Variants in DPYD observed in about 807,000 individuals in gnomAD.
DPYD encodes dihydropyrimidine dehydrogenase [NADP(+)].
DPYD carries 109 observed loss-of-function variants against 116.2 expected under a neutral mutation model. The observed-to-expected ratio is 0.94, with a 90% confidence interval of 0.80 to 1.10. The LOEUF (loss-of-function observed/expected upper bound fraction) is 1.10, where lower values mean the gene tolerates loss of function less well. Ranked by LOEUF, DPYD falls within the 50% of genes least tolerant of loss-of-function variation. The pLI is 0.00. For missense variants in DPYD, 1,302 were observed against 1,254.5 expected (o/e 1.04, Z -0.57); for synonymous variants, 440 against 432.0 (o/e 1.02, Z -0.23).
At chr1:97,599,917 A>T (rs1488156414) in intron 8 of DPYD, among the ~76,000 whole-genome samples, 2 of 144,704 alleles carry the variant, frequency 1.4e-5, no homozygotes, top group Non-Finnish European at 3.0e-5. Flanking sequence ...GTGCTGGCTC[A>T]TGCCTGTAAT....
intron 18 of DPYD, among the ~76,000 whole-genome samples, chr1:97,260,482 T>C (rs1156505019): frequency 6.6e-6 from 1 of 152,006 alleles, no homozygotes; most frequent in African/African-American, 2.4e-5. Flanking sequence ...ATCTGAAGAG[T>C]AACAAATTTA....
At chr1:97,180,326 G>C (rs1657560886) in intron 20 of DPYD, among the ~76,000 whole-genome samples, 1 of 152,018 alleles carries the variant, frequency 6.6e-6, no homozygotes, top group Non-Finnish European at 1.5e-5. Flanking sequence ...CTTTATTCAA[G>C]TGAGCAGATG....
intron 20 of DPYD, among the ~76,000 whole-genome samples, chr1:97,135,507 T>C (rs981033953): frequency 3.3e-5 from 5 of 152,154 alleles, no homozygotes; most frequent in African/African-American, 1.2e-4. Context: ...ACTTCTTGCT[T>C]TCTAAATAAT....
At chr1:97,636,506 G>A (rs1004437835) in intron 8 of DPYD, among the ~76,000 whole-genome samples, 5 of 151,990 alleles carry the variant, frequency 3.3e-5, no homozygotes, top group African/African-American at 9.7e-5. Flanking sequence ...GCAAAATTAA[G>A]TATGATTTAT....
In DPYD at chr1:97,434,690, A is replaced by G. The variant is rs1023859920; in HGVS notation, c.1905+15369T>C. Among the ~76,000 whole-genome samples the G allele has an allele frequency of 7.9e-5, 12 of 152,208 alleles. No individual in the cohort carries two copies. The South Asian group carries it at 1.0e-3, about 13-fold the overall frequency. On this transcript the variant is annotated intron_variant, in intron 14 of 22. Coordinates refer to ENST00000370192, the MANE Select transcript of DPYD (RefSeq NM_000110.4). ...AAAAGGAAAAGTAAATCATTCATAGATAATTCTAAATAATCTGATGTTTGG... is the reference window on the plus strand; with the variant it reads ...AAAAGGAAAAGTAAATCATTCATAGGTAATTCTAAATAATCTGATGTTTGG...
intron 8 of DPYD, among the ~76,000 whole-genome samples, chr1:97,666,803 GT>G (rs1659588676): frequency 6.6e-6 from 1 of 152,064 alleles, no homozygotes; most frequent in African/African-American, 2.4e-5. Flanking sequence ...TGCTACCTAT[GT>G]TGTTGTTCTT....
chr1:97,907,018 C>T (rs1470712521), intron 1 of DPYD, among the ~76,000 whole-genome samples: 1 of 152,038 alleles, frequency 6.6e-6, no homozygotes, highest in Non-Finnish European at 1.5e-5. Context: ...CATCTGAGAA[C>T]TAGCATGGTT....
At chr1:97,281,063 G>C (rs1665292085) in intron 18 of DPYD, among the ~76,000 whole-genome samples, 1 of 152,020 alleles carries the variant, frequency 6.6e-6, no homozygotes, top group Non-Finnish European at 1.5e-5. Flanking sequence ...AAAGCAGAAA[G>C]AGTTGTACAA....
At chr1:97,243,372 C>A (rs1166789997) in intron 18 of DPYD, among the ~76,000 whole-genome samples, 2 of 151,872 alleles carry the variant, frequency 1.3e-5, no homozygotes. Flanking sequence ...TTTTTGCATA[C>A]ATTGTGCTGG....
chr1:97,540,533 C>T lies in DPYD; in HGVS notation c.1524+9027G>A, dbSNP rs185093990. ...CTGTCCCTGTGGAGCTGGGGTGTGCCACCTTCTTGGCACACGGAAGCGTTC... is the reference window on the plus strand; with the variant it reads ...CTGTCCCTGTGGAGCTGGGGTGTGCTACCTTCTTGGCACACGGAAGCGTTC... On this transcript the variant is annotated intron_variant, in intron 12 of 22. Transcript: ENST00000370192. Among the ~76,000 whole-genome samples the T allele has an allele frequency of 6.6e-5, 10 of 152,254 alleles. 1 individual carries two copies. Among genetic ancestry groups the T allele is most frequent in the Admixed American group, 2.6e-4 (4 of 15,300 alleles).
At chr1:97,090,912 A>T (rs975217857) in intron 21 of DPYD, among the ~76,000 whole-genome samples, 5 of 152,188 alleles carry the variant, frequency 3.3e-5, no homozygotes, top group African/African-American at 1.2e-4. Flanking sequence ...TCACACAGCA[A>T]ATACTAAATA....
intron 1 of DPYD, among the ~76,000 whole-genome samples, chr1:97,899,712 TACG>T (rs1673267348): frequency 1.3e-5 from 2 of 151,878 alleles, no homozygotes; most frequent in African/African-American, 4.8e-5. Flanking sequence ...AAAATGGCAA[TACG>T]TAATTTCTTT....
At chr1:97,359,512 T>C (rs1023019554) in intron 16 of DPYD, among the ~76,000 whole-genome samples, 1 of 152,122 alleles carries the variant, frequency 6.6e-6, no homozygotes, top group African/African-American at 2.4e-5. Flanking sequence ...AATTGTCAGA[T>C]TCACCAAGGT....
chr1:97,664,570 G>C lies in DPYD; in HGVS notation c.850+14525C>G, dbSNP rs549104824. On this transcript the variant is annotated intron_variant, in intron 8 of 22. Transcript: ENST00000370192. ...AACTATACATTAGTTTTATACCTTG[G>C]GTATAAAAACTATAAGTCAAAAGTT... Among the ~76,000 whole-genome samples, 502 of 151,294 alleles carry C rather than the reference G, an allele frequency of 3.3e-3. 28 individuals are homozygous for C. The South Asian group carries it at 0.098, about 30-fold the overall frequency.
At chr1:97,615,775 G>A (rs1656228755) in intron 8 of DPYD, among the ~76,000 whole-genome samples, 1 of 151,964 alleles carries the variant, frequency 6.6e-6, no homozygotes, top group African/African-American at 2.4e-5. Flanking sequence ...GGAATATAAG[G>A]CCCTTCATTA....
At chr1:97,716,754 T>A (rs1662638556) in intron 5 of DPYD, among the ~76,000 whole-genome samples, 1 of 152,068 alleles carries the variant, frequency 6.6e-6, no homozygotes, top group Non-Finnish European at 1.5e-5. Flanking sequence ...ACATTCTTTG[T>A]ACAATTATTT....
At chr1:97,164,653 A>G (rs1444883300) in intron 20 of DPYD, among the ~76,000 whole-genome samples, 1 of 152,186 alleles carries the variant, frequency 6.6e-6, no homozygotes, top group African/African-American at 2.4e-5. Flanking sequence ...CAAGAGCCAT[A>G]TCAGGAAGGC....
intron 18 of DPYD, among the ~76,000 whole-genome samples, chr1:97,303,879 G>A (rs76192937): frequency 0.076 from 11,498 of 151,896 alleles, 982 homozygotes; most frequent in African/African-American, 0.21. Context: ...ATGCTAACAG[G>A]CCCTGAGGTA....
Position 97,921,029 on chromosome 1 carries a change from C to T in DPYD, c.-107G>A, listed in dbSNP as rs1029515018. On this transcript the variant is annotated 5_prime_UTR_variant, in exon 1 of 23. Coordinates refer to ENST00000370192, the MANE Select transcript of DPYD (RefSeq NM_000110.4). Reference sequence around the variant, plus strand: ...AGCCGGAGCGCGAGTCGAAAACAGGCAGACTAGGGCCGGCGGCGCGGGGGC... The same window carrying T: ...AGCCGGAGCGCGAGTCGAAAACAGGTAGACTAGGGCCGGCGGCGCGGGGGC... 10 of 1,403,758 alleles carry T rather than the reference C, an allele frequency of 7.1e-6. No homozygotes were observed. Among genetic ancestry groups the T allele is most frequent in the Admixed American group, 2.0e-5 (1 of 48,926 alleles). The allele number at this position is 1,403,758 out of a possible 1,614,324, so 87.0% of individuals were successfully genotyped here.
Sources: gnomAD v4.1 joint callset for allele counts (sites outside exome capture counted in the v4.1 genomes callset) on GRCh38, gnomAD v4.1.1 for gene constraint, MANE v1.5 for transcripts, NCBI Gene and HGNC (gene_info 2026-07-23, HGNC 2026-07-21) for gene names.